Variants in METRNL observed in about 807,000 individuals in gnomAD.
METRNL encodes the protein meteorin like, glial cell differentiation regulator, also known as meteorin-like protein.
A neutral mutation model predicts 17.4 loss-of-function variants in METRNL; 9 were observed. The observed-to-expected ratio is 0.52, with a 90% confidence interval of 0.31 to 0.90. The LOEUF is 0.90. Ranked by LOEUF, METRNL falls within the 40% of genes least tolerant of loss-of-function variation. The pLI is 0.05. For missense variants in METRNL, 408 were observed against 430.7 expected (o/e 0.95, Z 0.47); for synonymous variants, 215 against 199.3 (o/e 1.08, Z -0.66).
intron 2 of METRNL, among the ~76,000 whole-genome samples, chr17:83,088,730 C>G (rs868565811): frequency 6.6e-6 from 1 of 151,842 alleles, no homozygotes; most frequent in African/African-American, 2.4e-5. Flanking sequence ...AATCCTGCCC[C>G]TGGCTGAGCC....
intron 1 of METRNL, chr17:83,084,672 C>T (rs909388770): frequency 7.0e-5 from 37 of 530,494 alleles, no homozygotes; most frequent in African/African-American, 4.8e-4. Context: ...GCACCGCCTG[C>T]ACTCCCGGGA....
chr17:83,081,660 A>ACC (rs201259865), intron 1 of METRNL, among the ~76,000 whole-genome samples: 20 of 144,896 alleles, frequency 1.4e-4, no homozygotes, highest in African/African-American at 2.4e-4. Context: ...CCCAGAGGGG[A>ACC]CCCCCCCACA....
chr17:83,085,061 C>G lies in METRNL; in HGVS notation c.294C>G (p.Phe98Leu). The change falls in exon 2 of 4, where the codon TTC becomes TTG. Residue 98 changes from phenylalanine (F) to leucine (L), a missense_variant. Coordinates refer to ENST00000320095, the MANE Select transcript of METRNL (RefSeq NM_001004431.3). ...TCGTTAACCTGCGGCCCAACACCTT[C>G]TCGCCTGCCCGGCACCTGACCGTGT... ...ALIVNLRPNTFSPARHLTVCI... is the reference protein window; with the variant it reads ...ALIVNLRPNTLSPARHLTVCI... 6 of 1,613,944 alleles carry G rather than the reference C, an allele frequency of 3.7e-6. No individual in the cohort carries two copies. Among genetic ancestry groups the G allele is most frequent in the Non-Finnish European group, 5.1e-6 (6 of 1,180,028 alleles).
At chr17:83,087,745 C>T (rs1004907965) in intron 2 of METRNL, among the ~76,000 whole-genome samples, 9 of 152,186 alleles carry the variant, frequency 5.9e-5, no homozygotes, top group Non-Finnish European at 7.3e-5. Flanking sequence ...CGAGAGCCGA[C>T]GGAGGCTGAG....
At chr17:83,087,358 A>T (rs550925648) in intron 2 of METRNL, among the ~76,000 whole-genome samples, 2 of 151,938 alleles carry the variant, frequency 1.3e-5, no homozygotes, top group African/African-American at 4.8e-5. Flanking sequence ...AGGGGCCCAG[A>T]CTCTGAGGTT....
chr17:83,093,476 G>T (rs1568340586), intron 3 of METRNL, among the ~76,000 whole-genome samples: 1 of 152,222 alleles, frequency 6.6e-6, no homozygotes, highest in Non-Finnish European at 1.5e-5. Context: ...TTCCCATTTT[G>T]TAAATGAGAT....
chr17:83,080,033 C>G (rs2037964006), intron 1 of METRNL, 48 bp downstream of exon 1: 4 of 996,088 alleles, frequency 4.0e-6, no homozygotes, highest in Non-Finnish European at 4.8e-6. Context: ...CCCTCGCGTC[C>G]CCTCCCGTCC....
At chr17:83,081,313 C>G (rs2037985231) in intron 1 of METRNL, among the ~76,000 whole-genome samples, 1 of 152,136 alleles carries the variant, frequency 6.6e-6, no homozygotes, top group South Asian at 2.1e-4. Flanking sequence ...GGTGCATCCC[C>G]GAACCGAGGC....
chr17:83,089,752 G>A (rs534356280), intron 2 of METRNL, among the ~76,000 whole-genome samples: 33 of 152,208 alleles, frequency 2.2e-4, no homozygotes, highest in African/African-American at 7.7e-4. Flanking sequence ...GTCTCCCGGC[G>A]TCCACCGGCG....
At chr17:83,090,559 C>T (rs986991615) in intron 2 of METRNL, among the ~76,000 whole-genome samples, 2 of 138,500 alleles carry the variant, frequency 1.4e-5, no homozygotes, top group Non-Finnish European at 3.1e-5. Flanking sequence ...GGATGGACTT[C>T]CGGCACCTCC....
In METRNL at chr17:83,085,308, C is replaced by G; in HGVS notation, c.541C>G (p.Leu181Val). 1 of 1,526,020 alleles carries G rather than the reference C, an allele frequency of 6.6e-7. No individual in the cohort carries two copies. The allele number at this position is 1,526,020 out of a possible 1,614,324, so 94.5% of individuals were successfully genotyped here. Residue 181 changes from leucine (L) to valine (V), a missense_variant, in exon 2 of 4, where the codon CTG becomes GTG. Coordinates refer to ENST00000320095, the MANE Select transcript of METRNL (RefSeq NM_001004431.3). Reference protein sequence around the residue: ...ELVRRHRASDLHELSAPCRPC... With the variant: ...ELVRRHRASDVHELSAPCRPC... ...GGTTAGGAGGCACAGGGCGTCGGACCTGCACGAGCTGTCTGGTGAGTGTCC... is the reference window on the plus strand; with the variant it reads ...GGTTAGGAGGCACAGGGCGTCGGACGTGCACGAGCTGTCTGGTGAGTGTCC...
chr17:83,084,464 A>C, intron 1 of METRNL: 1 of 158,692 alleles, frequency 6.3e-6, no homozygotes, highest in Non-Finnish European at 1.4e-5. Context: ...CAGGGTTGGT[A>C]CACAGGGCCT....
chr17:83,087,683 C>G (rs866529806), intron 2 of METRNL, among the ~76,000 whole-genome samples: 12 of 152,314 alleles, frequency 7.9e-5, no homozygotes, highest in Non-Finnish European at 1.2e-4. Context: ...CAGCACTCTC[C>G]GGCCAGCGCC....
In METRNL at chr17:83,079,781, G is replaced by T; in HGVS notation, c.-35G>T. The T allele has an allele frequency of 1.0e-6, 1 of 967,508 alleles. No individual in the cohort carries two copies. Among genetic ancestry groups the T allele is most frequent in the Non-Finnish European group, 1.2e-6 (1 of 817,976 alleles). 59.9% of individuals were successfully genotyped at this position (967,508 alleles called of 1,614,324 possible). ...TCCGGGGTCTGCTCCGGGGGTCGCG[G>T]ACGCGGGGCCGGGCGGCGGAGCCGG... On this transcript the variant is annotated 5_prime_UTR_variant, in exon 1 of 4. Transcript: ENST00000320095.
chr17:83,079,869 AC>A lies in METRNL; in HGVS notation c.60del (p.Ala21ProfsTer39). Reference sequence around the variant, plus strand: ...GGCGCGCGGGGCAGCCGTGGCCGCGACCCCCCGCCCCGGGCCCGCCCCCGCC... The same window carrying A: ...GGCGCGCGGGGCAGCCGTGGCCGCGACCCCCGCCCCGGGCCCGCCCCCGCC... Reference protein sequence around the residue: ...WGRAGQPWPRPPAPGPPPPPL... With the variant: ...WGRAGQPWPRXPAPGPPPPPL... On this transcript the variant is annotated frameshift_variant, in exon 1 of 4. Coordinates refer to ENST00000320095, the MANE Select transcript of METRNL (RefSeq NM_001004431.3). LOFTEE classifies it high-confidence loss of function. The A allele has an allele frequency of 1.1e-6, 1 of 907,540 alleles. No homozygotes were observed. Among genetic ancestry groups the A allele is most frequent in the Non-Finnish European group, 1.3e-6 (1 of 785,248 alleles). 56.2% of individuals were successfully genotyped at this position (907,540 alleles called of 1,614,324 possible).
Position 83,079,949 on chromosome 17 carries a change from C to T in METRNL, c.134C>T (p.Ala45Val). Residue 45 changes from alanine to valine, a missense_variant, in exon 1 of 4, where the codon GCG (alanine) becomes GTG (valine). Physicochemically the swap from Ala to Val is moderately conservative, Grantham distance 64 (BLOSUM62 0). Coordinates refer to ENST00000320095, the MANE Select transcript of METRNL (RefSeq NM_001004431.3). ...LLAGLLGGAG[A>V]QYSSDRCSWK... ...GCCGGGCTGCTGGGCGGCGCGGGCG[C>T]GCAGTACTCCAGCGACCGGTGCAGC... 1 of 1,013,642 alleles carries T rather than the reference C, an allele frequency of 9.9e-7. No homozygotes were observed. The highest frequency in any genetic ancestry group is 1.2e-6 in the Non-Finnish European group (1 of 850,054). 62.8% of individuals were successfully genotyped at this position (1,013,642 alleles called of 1,614,324 possible). A position where few individuals can be genotyped will look rare whatever the true frequency, so the allele number is the denominator to read the frequency against.
At chr17:83,089,571 C>T (rs1023896345) in intron 2 of METRNL, among the ~76,000 whole-genome samples, 1 of 151,068 alleles carries the variant, frequency 6.6e-6, no homozygotes, top group African/African-American at 2.4e-5. Flanking sequence ...TCCTGAGAGA[C>T]CTGCCTGAGA....
chr17:83,080,039 C>T, intron 1 of METRNL, 54 bp downstream of exon 1: 1 of 985,550 alleles, frequency 1.0e-6, no homozygotes, highest in Non-Finnish European at 1.2e-6. Context: ...CGTCCCCTCC[C>T]GTCCCGGGCC....
Position 83,089,115 on chromosome 17 carries a change from G to C in METRNL, c.556+3792G>C, listed in dbSNP as rs139019202. 2.6e-3 allele frequency among the ~76,000 whole-genome samples: 390 copies of C among 152,270 alleles called. 1 individual carries two copies. The highest frequency in any genetic ancestry group is 7.2e-3 in the African/African-American group (301 of 41,550). On this transcript the variant is annotated intron_variant, in intron 2 of 3. Coordinates refer to ENST00000320095, the MANE Select transcript of METRNL (RefSeq NM_001004431.3). The stretch of plus-strand genomic sequence containing the variant: ...ACACCCCCGGGGCACCCCAGCAATG[G>C]ACTGCAGCCTGGAGTGCGGCCGCAG...
Sources: gnomAD v4.1 joint callset for allele counts (sites outside exome capture counted in the v4.1 genomes callset) on GRCh38, gnomAD v4.1.1 for gene constraint, MANE v1.5 for transcripts, NCBI Gene and HGNC (gene_info 2026-07-23, HGNC 2026-07-21) for gene names.